MAGI2: variants seen among roughly 807,000 people sequenced by gnomAD.
MAGI2 encodes the protein membrane-associated guanylate kinase, WW and PDZ domain-containing protein 2.
MAGI2 carries 35 observed loss-of-function variants against 133.3 expected under a neutral mutation model. The observed-to-expected ratio is 0.26, with a 90% CI of 0.20 to 0.35. The LOEUF (loss-of-function observed/expected upper bound fraction) is 0.35, where lower values mean the gene tolerates loss of function less well. Ranked by LOEUF, MAGI2 falls within the 10% of genes least tolerant of loss-of-function variation. MAGI2 has a pLI of 1.00. For missense variants in MAGI2, 1,636 were observed against 1,863.4 expected (o/e 0.88, Z 2.25); for synonymous variants, 729 against 710.6 (o/e 1.03, Z -0.41).
chr7:78,492,497 A>G (rs1341261190), intron 5 of MAGI2, among the ~76,000 whole-genome samples: 2 of 152,156 alleles, frequency 1.3e-5, no homozygotes, highest in Non-Finnish European at 2.9e-5. Context: ...ATTATTTTTA[A>G]TGCATTGGGA....
At chr7:78,897,461 C>T (rs1797298867) in intron 2 of MAGI2, among the ~76,000 whole-genome samples, 1 of 151,952 alleles carries the variant, frequency 6.6e-6, no homozygotes, top group South Asian at 2.1e-4. Context: ...CTTTCAAGAG[C>T]CAATTAAATT....
At chr7:78,769,934 G>A (rs763050966) in intron 2 of MAGI2, among the ~76,000 whole-genome samples, 4 of 151,872 alleles carry the variant, frequency 2.6e-5, no homozygotes, top group South Asian at 4.2e-4. Context: ...TGAGTCAAAG[G>A]GGAAAAAAAA....
intron 1 of MAGI2, among the ~76,000 whole-genome samples, chr7:79,176,195 A>G (rs1826077727): frequency 6.6e-6 from 1 of 152,090 alleles, no homozygotes; most frequent in East Asian, 1.9e-4. Context: ...CCACTCGAAT[A>G]TACCTTTAAG....
chr7:79,113,200 C>A (rs921505237), intron 1 of MAGI2, among the ~76,000 whole-genome samples: 1 of 152,144 alleles, frequency 6.6e-6, no homozygotes, highest in Non-Finnish European at 1.5e-5. Context: ...GGGCTGTCAT[C>A]CTTTTTGTCA....
chr7:78,218,365 A>G (rs1584438382), intron 10 of MAGI2, among the ~76,000 whole-genome samples: 2 of 152,360 alleles, frequency 1.3e-5, no homozygotes, highest in East Asian at 3.9e-4. Flanking sequence ...GAAGGGGAAA[A>G]TCAGCACTTA....
chr7:78,575,315 AT>A (rs1438444644), intron 3 of MAGI2, among the ~76,000 whole-genome samples: 1 of 150,132 alleles, frequency 6.7e-6, no homozygotes, highest in Non-Finnish European at 1.5e-5. Flanking sequence ...AAAAACTATG[AT>A]TACTTTTTGC....
chr7:78,454,307 T>A (rs1192927826), intron 6 of MAGI2, among the ~76,000 whole-genome samples: 1 of 152,188 alleles, frequency 6.6e-6, no homozygotes, highest in African/African-American at 2.4e-5. Context: ...CTTTTCCCCC[T>A]ATTTGAGCCA....
At position 79,171,770 on chromosome 7, in the gene MAGI2, A is replaced by ATATATATTTTTTTTTTT; in HGVS notation, c.302-164565_302-164564insAAAAAAAAAAATATATA. 6.7e-3 allele frequency among the ~76,000 whole-genome samples: 209 copies of ATATATATTTTTTTTTTT among 31,188 alleles called. 14 individuals are homozygous for ATATATATTTTTTTTTTT. The highest frequency in any genetic ancestry group is 0.017 in the Non-Finnish European group (154 of 8,990). The allele number at this position is 31,188 out of a possible 152,430, so 20.5% of individuals were successfully genotyped here. On this transcript the variant is annotated intron_variant, in intron 1 of 21. Coordinates refer to ENST00000354212, the MANE Select transcript of MAGI2 (RefSeq NM_012301.4). ...TATATATATATATATATATATATAT[A>ATATATATTTTTTTTTTT]TTTTTTTTTTTTTTTTCTTTTAAAG...
chr7:78,966,225 A>T lies in MAGI2; in HGVS notation c.418+40865T>A, dbSNP rs74389545. ...AGATCTATCCTCTTAATAACTTTTT[A>T]AGTGTGCAAGGCAGAATTGTTAACT... On this transcript the variant is annotated intron_variant, in intron 2 of 21. Transcript: ENST00000354212. 1.6e-4 allele frequency among the ~76,000 whole-genome samples: 25 copies of T among 152,220 alleles called. No homozygotes were observed. In the East Asian group the frequency reaches 4.1e-3, roughly 25 times the overall value.
intron 2 of MAGI2, among the ~76,000 whole-genome samples, chr7:78,668,813 G>C (rs978550876): frequency 4.1e-5 from 6 of 145,612 alleles, no homozygotes; most frequent in African/African-American, 1.6e-4. Context: ...ACCTGCTCCT[G>C]AATGACTACT....
intron 1 of MAGI2, among the ~76,000 whole-genome samples, chr7:79,328,511 G>T (rs1170418288): frequency 1.3e-5 from 2 of 152,136 alleles, no homozygotes; most frequent in Non-Finnish European, 2.9e-5. Flanking sequence ...GGGATCAAAA[G>T]AAATATGCAA....
rs115296623 is a variant in MAGI2, at chr7:78,531,155, A to G, written c.539-9510T>C. ...AATTCCAGTTAGTAACAAACTTATA[A>G]GTCTATCTTTTTGAATGGAAACCTT... On this transcript the variant is annotated intron_variant, in intron 3 of 21. Coordinates refer to ENST00000354212, the MANE Select transcript of MAGI2 (RefSeq NM_012301.4). Among the ~76,000 whole-genome samples, 222 of 152,214 alleles carry G rather than the reference A, an allele frequency of 1.5e-3. 1 individual carries two copies. Among genetic ancestry groups the G allele is most frequent in the African/African-American group, 5.0e-3 (207 of 41,536 alleles).
intron 20 of MAGI2, among the ~76,000 whole-genome samples, chr7:78,101,379 C>T (rs546319691): frequency 6.6e-6 from 1 of 152,054 alleles, no homozygotes; most frequent in South Asian, 2.1e-4. Context: ...GAGTAGAGAA[C>T]CCAGAAATAA....
intron 2 of MAGI2, among the ~76,000 whole-genome samples, chr7:78,805,886 C>T (rs1398053608): frequency 6.6e-6 from 1 of 152,178 alleles, no homozygotes; most frequent in Non-Finnish European, 1.5e-5. Flanking sequence ...GTCCAGCCCT[C>T]ACATCACAGC....
At chr7:79,304,201 GTC>G (rs1554438854) in intron 1 of MAGI2, among the ~76,000 whole-genome samples, 1 of 146,114 alleles carries the variant, frequency 6.8e-6, no homozygotes, top group Non-Finnish European at 1.5e-5. Context: ...GTGTGTGTGT[GTC>G]TGTGTGTGTG....
intron 6 of MAGI2, among the ~76,000 whole-genome samples, chr7:78,483,539 G>A (rs1012234272): frequency 1.3e-5 from 2 of 151,704 alleles, no homozygotes; most frequent in Non-Finnish European, 2.9e-5. Flanking sequence ...TGGGACCAAC[G>A]AGAACAGATG....
At chr7:79,143,687 A>G (rs1175104783) in intron 1 of MAGI2, among the ~76,000 whole-genome samples, 1 of 152,196 alleles carries the variant, frequency 6.6e-6, no homozygotes, top group Non-Finnish European at 1.5e-5. Flanking sequence ...TAGATATAGA[A>G]CAAATGTGAG....
At chr7:78,206,582 C>T (rs748844111) in intron 10 of MAGI2, among the ~76,000 whole-genome samples, 1 of 152,196 alleles carries the variant, frequency 6.6e-6, no homozygotes, top group East Asian at 1.9e-4. Context: ...TGAGCCACCG[C>T]GCCTGGCCGC....
intron 10 of MAGI2, among the ~76,000 whole-genome samples, chr7:78,210,622 T>A (rs914845868): frequency 6.6e-6 from 1 of 152,198 alleles, no homozygotes; most frequent in Admixed American, 6.5e-5. Flanking sequence ...AGTTCTATAG[T>A]AATTGGCTCT....
Sources: gnomAD v4.1 joint callset for allele counts (sites outside exome capture counted in the v4.1 genomes callset) on GRCh38, gnomAD v4.1.1 for gene constraint, MANE v1.5 for transcripts, NCBI Gene and HGNC (gene_info 2026-07-23, HGNC 2026-07-21) for gene names.